CLDN18: variants seen among roughly 807,000 people sequenced by gnomAD.
CLDN18 encodes claudin-18.
CLDN18 carries 20 observed loss-of-function variants against 25.0 expected under a neutral mutation model. The observed-to-expected ratio is 0.80, with a 90% CI of 0.56 to 1.16. CLDN18 has a LOEUF of 1.16. Ranked by LOEUF, CLDN18 falls within the 50% of genes most tolerant of loss-of-function variation. CLDN18 has a pLI of 0.00. For synonymous variants in CLDN18, 125 were observed against 135.6 expected, an observed-to-expected ratio of 0.92 and a Z score of 0.54; for missense variants, 297 against 345.4, an observed-to-expected ratio of 0.86 and a Z score of 1.11.
chr3:138,031,284 A>T lies in CLDN18; in HGVS notation c.*143A>T. 1.5e-6 allele frequency: 1 copy of T among 648,210 alleles called. No homozygotes were observed. Among genetic ancestry groups the T allele is most frequent in the East Asian group, 2.8e-5 (1 of 35,614 alleles). 40.2% of individuals were successfully genotyped at this position (648,210 alleles called of 1,614,324 possible). ...CTCGATTTCATCTTTGGAGAGGCCA[A>T]ATGGTCTTAGCCTCAGTCTCTGTCT... On this transcript the variant is annotated 3_prime_UTR_variant, in exon 5 of 5. Coordinates refer to ENST00000183605, the MANE Select transcript of CLDN18 (RefSeq NM_016369.4).
chr3:138,033,462 A>T lies in CLDN18; in HGVS notation c.*2321A>T, dbSNP rs1942420481. 6.6e-6 allele frequency: 1 copy of T among 152,236 alleles called. No homozygotes were observed. The highest frequency in any genetic ancestry group is 2.1e-4 in the South Asian group (1 of 4,834). The allele number at this position is 152,236 out of a possible 1,614,324, so 9.4% of individuals were successfully genotyped here. On this transcript the variant is annotated 3_prime_UTR_variant, in exon 5 of 5. Transcript: ENST00000183605. ...GAAAGTCCCTGGTCAGGTCTCAGGT[A>T]GTGCGGTGTGGCTCAGCTGGGTTTT...
At chr3:138,002,040 T>C (rs1177452849) in intron 1 of CLDN18, among the ~76,000 whole-genome samples, 1 of 152,156 alleles carries the variant, frequency 6.6e-6, no homozygotes, top group East Asian at 1.9e-4. Context: ...CCTGTTTTAG[T>C]GTTCAACCTT....
chr3:138,015,847 A>G (rs1423128411), intron 1 of CLDN18, among the ~76,000 whole-genome samples: 1 of 152,236 alleles, frequency 6.6e-6, no homozygotes, highest in Non-Finnish European at 1.5e-5. Context: ...ACAAAAATGT[A>G]TCATCATGTC....
chr3:138,010,818 G>A (rs568724781), intron 1 of CLDN18, among the ~76,000 whole-genome samples: 1 of 152,298 alleles, frequency 6.6e-6, no homozygotes, highest in African/African-American at 2.4e-5. Context: ...AGGGAAGCAG[G>A]ATGCTGAGTA....
intron 1 of CLDN18, among the ~76,000 whole-genome samples, chr3:138,004,381 T>C (rs769137104): frequency 1.3e-5 from 2 of 148,958 alleles, no homozygotes; most frequent in African/African-American, 5.1e-5. Context: ...AGAATTCTTA[T>C]CAAAATACCG....
intron 1 of CLDN18, chr3:137,999,153 T>C: frequency 7.0e-7 from 1 of 1,433,536 alleles, no homozygotes; most frequent in African/African-American, 1.4e-5. Flanking sequence ...CTGCAGGCTC[T>C]GTCTGGGCAC....
intron 1 of CLDN18, among the ~76,000 whole-genome samples, chr3:138,003,078 C>T (rs1942035571): frequency 6.6e-6 from 1 of 152,146 alleles, no homozygotes; most frequent in Admixed American, 6.5e-5. Context: ...AACGTCAGCC[C>T]TATTGACATT....
At chr3:138,017,942 G>A (rs1481779689) in intron 1 of CLDN18, among the ~76,000 whole-genome samples, 1 of 152,150 alleles carries the variant, frequency 6.6e-6, no homozygotes, top group Non-Finnish European at 1.5e-5. Flanking sequence ...GAAAAGCTAG[G>A]AACCAGAATG....
chr3:138,021,925 AC>A (rs1180204723), intron 1 of CLDN18, among the ~76,000 whole-genome samples: 1 of 152,156 alleles, frequency 6.6e-6, no homozygotes, highest in Non-Finnish European at 1.5e-5. Flanking sequence ...AAGTAACAGA[AC>A]CCCAACCTGA....
intron 3 of CLDN18, 107 bp downstream of exon 3, chr3:138,024,831 AT>A: frequency 1.6e-6 from 1 of 630,460 alleles, no homozygotes; most frequent in South Asian, 2.1e-5. Flanking sequence ...AATAGCAAAA[AT>A]TATCAGAGAC....
At chr3:138,013,849 A>G (rs1942170096) in intron 1 of CLDN18, among the ~76,000 whole-genome samples, 1 of 152,244 alleles carries the variant, frequency 6.6e-6, no homozygotes, top group Non-Finnish European at 1.5e-5. Context: ...CTGACACAAG[A>G]TAATATATAG....
intron 1 of CLDN18, among the ~76,000 whole-genome samples, chr3:138,003,638 A>T (rs376199657): frequency 6.6e-6 from 1 of 152,178 alleles, no homozygotes; most frequent in Non-Finnish European, 1.5e-5. Context: ...TTGTTTAAAG[A>T]TTTCGTGGAA....
At chr3:137,999,005 A>G (rs996688956) in exon 1 of CLDN18, 1 of 1,614,200 alleles carries the variant, frequency 6.2e-7, no homozygotes, top group Non-Finnish European at 8.5e-7. Context: ...GTTTTCAACT[A>G]CCAGGGGCTG....
rs2107878460 is a variant in CLDN18 at position 138,010,348 on chromosome 3, C to T, written c.123C>T (p.Thr41=). The stretch of plus-strand genomic sequence containing the variant: ...AGGACCTGTACGACAACCCCGTCAC[C>T]TCCGTGTTCCAGTACGAAGGGCTCT... ...STQDLYDNPV[T]SVFQYEGLWR... is the part of the protein sequence containing the mutation. Residue 41 remains threonine, a synonymous_variant, in exon 1 of 5, where the codon ACC becomes ACT. Transcript: ENST00000183605. 2.5e-6 allele frequency: 4 copies of T among 1,614,246 alleles called. No homozygotes were observed. The highest frequency in any genetic ancestry group is 3.4e-6 in the Non-Finnish European group (4 of 1,180,044).
intron 1 of CLDN18, among the ~76,000 whole-genome samples, chr3:138,002,064 T>C (rs1485585518): frequency 1.3e-5 from 2 of 152,204 alleles, no homozygotes; most frequent in African/African-American, 4.8e-5. Flanking sequence ...ATTAATGACA[T>C]AGATTCTCTA....
In CLDN18 at chr3:137,998,862, C is replaced by T. The variant is rs758351101; in HGVS notation, c.-7C>T. On this transcript the variant is annotated 5_prime_UTR_variant, in exon 1 of 5. Transcript: ENST00000343735. ...CGTGTGGCTCTGTGTCGACACTGTG[C>T]GCCACCATGGCCGTGACTGCCTGTC... The T allele has an allele frequency of 2.7e-5, 44 of 1,613,812 alleles. No individual in the cohort carries two copies. The South Asian group carries it at 3.7e-4, about 14-fold the overall frequency.
At chr3:138,021,659 A>T (rs1245979647) in intron 1 of CLDN18, among the ~76,000 whole-genome samples, 1 of 152,152 alleles carries the variant, frequency 6.6e-6, no homozygotes, top group Non-Finnish European at 1.5e-5. Flanking sequence ...AGGGAAAAAA[A>T]ATCAGCAATT....
intron 1 of CLDN18, chr3:137,999,159 G>A: frequency 7.2e-7 from 1 of 1,389,322 alleles, no homozygotes; most frequent in Non-Finnish European, 1.0e-6. Flanking sequence ...GCTCTGTCTG[G>A]GCACCACGAC....
chr3:138,025,224 A>T (rs924180866), intron 3 of CLDN18, among the ~76,000 whole-genome samples: 5 of 152,204 alleles, frequency 3.3e-5, no homozygotes, highest in African/African-American at 9.7e-5. Flanking sequence ...ACCTGCTGTA[A>T]GCCAAGACAT....
Sources: allele counts gnomAD v4.1 joint callset (sites outside exome capture counted in the v4.1 genomes callset), GRCh38; gene constraint gnomAD v4.1.1; transcripts MANE v1.5; gene names NCBI Gene and HGNC (gene_info 2026-07-23, HGNC 2026-07-21).